The following QKI variants were observed in gnomAD, a reference collection of about 807,000 sequenced individuals.
QKI encodes QKI, KH domain containing RNA binding, also known as KH domain-containing RNA-binding protein QKI.
A neutral mutation model predicts 39.0 loss-of-function variants in QKI; 10 were observed. The observed-to-expected ratio is 0.26, with a 90% CI of 0.16 to 0.43. The LOEUF (loss-of-function observed/expected upper bound fraction) is 0.43. Among genes scored for constraint, QKI ranks in the 20% least tolerant of loss-of-function variants. The pLI, the probability that QKI is intolerant of heterozygous loss-of-function variation, is 1.00. For missense variants in QKI, 218 were observed against 428.0 expected, an observed-to-expected ratio of 0.51 and a Z score of 4.33; for synonymous variants, 204 against 155.4, an observed-to-expected ratio of 1.31 and a Z score of -2.33.
At chr6:163,554,416 C>G (rs755707292) in intron 4 of QKI, among the ~76,000 whole-genome samples, 1 of 152,312 alleles carries the variant, frequency 6.6e-6, no homozygotes, top group African/African-American at 2.4e-5. Flanking sequence ...CATTGGAAAG[C>G]ATATGGCAGT....
intron 4 of QKI, among the ~76,000 whole-genome samples, chr6:163,547,507 A>C (rs1382277458): frequency 6.6e-6 from 1 of 152,144 alleles, no homozygotes; most frequent in Non-Finnish European, 1.5e-5. Context: ...GCGTGCTTCT[A>C]ATCTGGAATT....
At chr6:163,553,509 G>A (rs143145693) in intron 4 of QKI, among the ~76,000 whole-genome samples, 168 of 151,482 alleles carry the variant, frequency 1.1e-3, no homozygotes, top group South Asian at 7.1e-3. Context: ...AATAATATCC[G>A]TCTAAAATAA....
At chr6:163,463,200 G>A (rs2759397) in intron 2 of QKI, among the ~76,000 whole-genome samples, 3,136 of 152,218 alleles carry the variant, frequency 0.021, 55 homozygotes, top group South Asian at 0.059. Flanking sequence ...AATTTTTCTT[G>A]TTATCAGGGT....
intron 7 of QKI, chr6:163,568,274 T>C: frequency 1.0e-6 from 1 of 985,238 alleles, no homozygotes; most frequent in Non-Finnish European, 1.2e-6. Context: ...TCTTTCCCTA[T>C]GTATGCCCCC....
At chr6:163,557,695 A>G (rs759958460) in intron 4 of QKI, among the ~76,000 whole-genome samples, 1 of 152,162 alleles carries the variant, frequency 6.6e-6, no homozygotes, top group Non-Finnish European at 1.5e-5. Flanking sequence ...CAAAGAAAGG[A>G]TAAATGCTTG....
At chr6:163,483,236 G>A (rs1793217386) in intron 3 of QKI, among the ~76,000 whole-genome samples, 1 of 152,214 alleles carries the variant, frequency 6.6e-6, no homozygotes, top group Non-Finnish European at 1.5e-5. Flanking sequence ...AGCCTTCAGA[G>A]AGTTTTAATC....
intron 1 of QKI, among the ~76,000 whole-genome samples, chr6:163,438,047 G>GT (rs1261498637): frequency 6.6e-6 from 1 of 152,152 alleles, no homozygotes; most frequent in Non-Finnish European, 1.5e-5. Flanking sequence ...GAGGAACTTA[G>GT]TAAAAATGAG....
chr6:163,546,189 ATATT>A (rs1041936738), intron 4 of QKI, among the ~76,000 whole-genome samples: 3 of 151,590 alleles, frequency 2.0e-5, no homozygotes, highest in Admixed American at 1.3e-4. Context: ...ATATTTTTAA[ATATT>A]TATTAGAAAA....
intron 2 of QKI, chr6:163,457,496 TG>T (rs1161572889): frequency 2.2e-6 from 1 of 455,554 alleles, no homozygotes; most frequent in East Asian, 6.9e-5. Context: ...CTACGCTTTC[TG>T]GGAACTGTAA....
intron 2 of QKI, among the ~76,000 whole-genome samples, chr6:163,460,100 A>C (rs896695206): frequency 1.3e-5 from 2 of 152,212 alleles, no homozygotes; most frequent in African/African-American, 4.8e-5. Flanking sequence ...AATATTGGCA[A>C]GGTCTAGCTG....
In QKI at chr6:163,507,378, C is replaced by T. The variant is rs74853777; in HGVS notation, c.403-27604C>T. ...ACTCTAAAATATGCACGATAAAAACCAGCTACTCCAAGGAACTCTGTAGGA... is the reference window on the plus strand; with the variant it reads ...ACTCTAAAATATGCACGATAAAAACTAGCTACTCCAAGGAACTCTGTAGGA... On this transcript the variant is annotated intron_variant, in intron 3 of 7. Transcript: ENST00000361752. 2.8e-3 allele frequency among the ~76,000 whole-genome samples: 422 copies of T among 152,224 alleles called. 20 individuals carry two copies. In the East Asian group the frequency reaches 0.069, roughly 25 times the overall value.
chr6:163,572,925 G>C lies in QKI; in HGVS notation c.*2215G>C, dbSNP rs1322953769. The C allele has an allele frequency of 1.3e-5, 2 of 151,932 alleles. No individual in the cohort carries two copies. The highest frequency in any genetic ancestry group is 2.9e-5 in the Non-Finnish European group (2 of 68,010). The allele number at this position is 151,932 out of a possible 1,614,324, so 9.4% of individuals were successfully genotyped here. On this transcript the variant is annotated 3_prime_UTR_variant, in exon 8 of 8. Transcript: ENST00000361752. ...CAGTTTTGATTTATTTACAATATATGCTGTGCCATTTTGATTTTTATATTG... is the reference window on the plus strand; with the variant it reads ...CAGTTTTGATTTATTTACAATATATCCTGTGCCATTTTGATTTTTATATTG...
intron 3 of QKI, among the ~76,000 whole-genome samples, chr6:163,523,838 A>G (rs1194010744): frequency 6.6e-6 from 1 of 152,220 alleles, no homozygotes; most frequent in African/African-American, 2.4e-5. Context: ...AAAAATTAAA[A>G]GGAGCAGTCT....
At chr6:163,499,291 C>T (rs1778601931) in intron 3 of QKI, among the ~76,000 whole-genome samples, 1 of 152,094 alleles carries the variant, frequency 6.6e-6, no homozygotes. Flanking sequence ...TATGACATAT[C>T]TTGGACCAAT....
At chr6:163,562,706 A>G (rs1203759622) in intron 5 of QKI, among the ~76,000 whole-genome samples, 1 of 152,244 alleles carries the variant, frequency 6.6e-6, no homozygotes, top group Non-Finnish European at 1.5e-5. Flanking sequence ...CATACATGTC[A>G]TTTATATGAA....
chr6:163,443,586 A>C (rs1317651238), intron 1 of QKI, among the ~76,000 whole-genome samples: 2 of 151,488 alleles, frequency 1.3e-5, no homozygotes, highest in Non-Finnish European at 1.5e-5. Context: ...AACAACAACA[A>C]CTCCTCTTGG....
At chr6:163,563,391 T>G in intron 5 of QKI, 29 bp from the exon 6 acceptor site, 1 of 1,554,182 alleles carries the variant, frequency 6.4e-7, no homozygotes, top group Non-Finnish European at 8.7e-7. Context: ...GTCTCTATAC[T>G]TCTTTCTAAA....
intron 1 of QKI, among the ~76,000 whole-genome samples, chr6:163,444,758 ATTAT>A (rs1249680708): frequency 6.6e-6 from 1 of 152,166 alleles, no homozygotes; most frequent in Non-Finnish European, 1.5e-5. Context: ...TTTTAACAAC[ATTAT>A]TTAAACTGTA....
At position 163,470,639 on chromosome 6, in the gene QKI, A is replaced by G. The variant is rs533343621; in HGVS notation, c.286-8141A>G. On this transcript the variant is annotated intron_variant, in intron 2 of 7. Transcript: ENST00000361752. Reference sequence around the variant, plus strand: ...CTCTAGATTTTAGAATTTCAGACCCAGACTTTATAAGATCTGTAAGTTTTC... The same window carrying G: ...CTCTAGATTTTAGAATTTCAGACCCGGACTTTATAAGATCTGTAAGTTTTC... 3.3e-5 allele frequency among the ~76,000 whole-genome samples: 5 copies of G among 152,322 alleles called. No individual in the cohort carries two copies. In the South Asian group the frequency reaches 1.0e-3, roughly 32 times the overall value.
Sources: gnomAD v4.1 joint callset for allele counts (sites outside exome capture counted in the v4.1 genomes callset) on GRCh38, gnomAD v4.1.1 for gene constraint, MANE v1.5 for transcripts, NCBI Gene and HGNC (gene_info 2026-07-23, HGNC 2026-07-21) for gene names.